HIBADH: variants seen among roughly 807,000 people sequenced by gnomAD.
HIBADH encodes the protein 3-hydroxyisobutyrate dehydrogenase.
Under a neutral mutation model 36.1 loss-of-function variants are expected in HIBADH, and 25 were observed. That is an observed-to-expected ratio of 0.69 (90% CI 0.50 to 0.97). The LOEUF (loss-of-function observed/expected upper bound fraction) is 0.97, where lower values mean the gene tolerates loss of function less well. HIBADH is among the 50% of genes least tolerant of loss of function. HIBADH has a pLI of 0.00. For missense variants in HIBADH, 421 were observed against 418.0 expected, an observed-to-expected ratio of 1.01 and a Z score of -0.06; for synonymous variants, 160 against 149.5, an observed-to-expected ratio of 1.07 and a Z score of -0.51.
At chr7:27,599,796 T>G (rs1785096840) in intron 4 of HIBADH, among the ~76,000 whole-genome samples, 1 of 151,872 alleles carries the variant, frequency 6.6e-6, no homozygotes, top group South Asian at 2.1e-4. Context: ...TAAGGGAAGT[T>G]TTTTTTCTTC....
chr7:27,551,976 C>T (rs12537499), intron 4 of HIBADH, among the ~76,000 whole-genome samples: 115,495 of 152,176 alleles, frequency 0.76, 44,274 homozygotes, highest in East Asian at 0.94. Flanking sequence ...TTACGACTTG[C>T]TATGGTGTCT....
chr7:27,611,318 A>T (rs1420095691), intron 4 of HIBADH, among the ~76,000 whole-genome samples: 1 of 152,200 alleles, frequency 6.6e-6, no homozygotes, highest in Non-Finnish European at 1.5e-5. Context: ...TTTATTCTTC[A>T]ATTATTCAAG....
chr7:27,625,342 A>G (rs1158572095), intron 4 of HIBADH, among the ~76,000 whole-genome samples: 1 of 152,198 alleles, frequency 6.6e-6, no homozygotes, highest in Non-Finnish European at 1.5e-5. Context: ...TAGTAACACC[A>G]GGGTTGAAAC....
intron 1 of HIBADH, among the ~76,000 whole-genome samples, chr7:27,660,472 G>A (rs1321815413): frequency 2.0e-5 from 3 of 152,166 alleles, no homozygotes; most frequent in African/African-American, 7.2e-5. Context: ...GACCATCCTG[G>A]CTAACATGGT....
chr7:27,642,451 C>T (rs1334668119), intron 2 of HIBADH, among the ~76,000 whole-genome samples: 4 of 152,132 alleles, frequency 2.6e-5, no homozygotes, highest in African/African-American at 9.7e-5. Context: ...TCCAACTCAA[C>T]CTGTTTTATT....
rs1358974727 is a variant in HIBADH at position 27,629,377 on chromosome 7, A to C, written c.478T>G (p.Ser160Ala). ...TATTTTAGCTACCACTTACCACCAGAAACAGGGGCATCCATGAAAACTGCT... is the reference window on the plus strand; with the variant it reads ...TATTTTAGCTACCACTTACCACCAGCAACAGGGGCATCCATGAAAACTGCT... The part of the protein sequence containing the change: ...MGAVFMDAPV[S>A]GGVGAARSGN... The change falls in exon 4 of 8, where the codon TCT (serine) becomes GCT (alanine). Residue 160 changes from serine to alanine, a missense_variant. Transcript: ENST00000265395. 6.2e-7 allele frequency: 1 copy of C among 1,610,200 alleles called. No homozygotes were observed. The highest frequency in any genetic ancestry group is 1.3e-5 in the African/African-American group (1 of 74,942).
At chr7:27,650,189 A>T (rs12530626) in intron 1 of HIBADH, among the ~76,000 whole-genome samples, 114,374 of 151,042 alleles carry the variant, frequency 0.76, 43,731 homozygotes, top group East Asian at 0.94. Context: ...AAGTATTCAA[A>T]AAGACGTAAG....
chr7:27,538,468 TC>T (rs1784099165), intron 5 of HIBADH, 51 bp from the exon 6 acceptor site: 19 of 1,503,584 alleles, frequency 1.3e-5, no homozygotes, highest in Non-Finnish European at 1.8e-5. Flanking sequence ...AAGGTAAAAC[TC>T]ACAGGACGTT....
At chr7:27,585,625 G>A (rs1784850885) in intron 4 of HIBADH, among the ~76,000 whole-genome samples, 1 of 152,070 alleles carries the variant, frequency 6.6e-6, no homozygotes, top group Non-Finnish European at 1.5e-5. Context: ...GGAAAAGAAT[G>A]AAAAAGTAAA....
At chr7:27,574,980 T>C (rs374100539) in intron 4 of HIBADH, among the ~76,000 whole-genome samples, 18 of 152,340 alleles carry the variant, frequency 1.2e-4, no homozygotes, top group African/African-American at 4.3e-4. Flanking sequence ...ACTATTCTTA[T>C]GTGTTCAGAC....
At chr7:27,548,042 A>G (rs1490599996) in intron 4 of HIBADH, among the ~76,000 whole-genome samples, 1 of 152,128 alleles carries the variant, frequency 6.6e-6, no homozygotes, top group East Asian at 1.9e-4. Context: ...GCAAATGCCC[A>G]AACTATGCAA....
chr7:27,558,278 T>C (rs1784421326), intron 4 of HIBADH, among the ~76,000 whole-genome samples: 1 of 152,166 alleles, frequency 6.6e-6, no homozygotes, highest in African/African-American at 2.4e-5. Context: ...CTTATTTAAA[T>C]AGATTTATAT....
chr7:27,584,990 T>C (rs923704427), intron 4 of HIBADH, among the ~76,000 whole-genome samples: 1 of 152,004 alleles, frequency 6.6e-6, no homozygotes, highest in Non-Finnish European at 1.5e-5. Context: ...AGTACATTCT[T>C]ATAGTTAAAT....
chr7:27,567,769 G>T (rs1211556017), intron 4 of HIBADH, among the ~76,000 whole-genome samples: 1 of 152,044 alleles, frequency 6.6e-6, no homozygotes, highest in Non-Finnish European at 1.5e-5. Context: ...TACTATTACT[G>T]CCTTTAATAT....
chr7:27,565,029 AC>A (rs2128187302), intron 4 of HIBADH, among the ~76,000 whole-genome samples: 1 of 152,238 alleles, frequency 6.6e-6, no homozygotes, highest in African/African-American at 2.4e-5. Flanking sequence ...TAAAAGACTA[AC>A]CTTTAAGCGT....
intron 6 of HIBADH, among the ~76,000 whole-genome samples, chr7:27,532,647 G>A (rs147391065): frequency 1.6e-4 from 25 of 152,304 alleles, no homozygotes; most frequent in Non-Finnish European, 3.1e-4. Flanking sequence ...GAATTCATAT[G>A]GTGGCCCATG....
chr7:27,646,689 A>ATTTTTTTTTTTTTTTT (rs34491908), intron 2 of HIBADH, among the ~76,000 whole-genome samples: 1 of 74,866 alleles, frequency 1.3e-5, no homozygotes, highest in Non-Finnish European at 2.3e-5. Context: ...CACGCCCAGC[A>ATTTTTTTTTTTTTTTT]TTTTTTTTTT....
intron 4 of HIBADH, among the ~76,000 whole-genome samples, chr7:27,552,156 ACAAT>A (rs753572250): frequency 3.3e-5 from 5 of 152,214 alleles, no homozygotes; most frequent in Admixed American, 1.3e-4. Flanking sequence ...ATTGCCGTGC[ACAAT>A]CAGTTTAGAG....
At chr7:27,587,624 C>A (rs1351308956) in intron 4 of HIBADH, among the ~76,000 whole-genome samples, 1 of 152,186 alleles carries the variant, frequency 6.6e-6, no homozygotes, top group Non-Finnish European at 1.5e-5. Context: ...CACTCCCAAA[C>A]ACATGCACTT....
Sources: gnomAD v4.1 joint callset for allele counts (sites outside exome capture counted in the v4.1 genomes callset) on GRCh38, gnomAD v4.1.1 for gene constraint, MANE v1.5 for transcripts, NCBI Gene and HGNC (gene_info 2026-07-23, HGNC 2026-07-21) for gene names.